The following TANK variants were observed in gnomAD, a reference collection of about 807,000 sequenced individuals.
The protein encoded by TANK is TRAF family member associated NFKB activator, also known as TRAF family member-associated NF-kappa-B activator.
TANK carries 15 observed loss-of-function variants against 43.6 expected under a neutral mutation model. The observed-to-expected ratio is 0.34, with a 90% CI of 0.23 to 0.53. The LOEUF is 0.53. Ranked by LOEUF, TANK falls within the 20% of genes least tolerant of loss-of-function variation. The probability of loss-of-function intolerance (pLI) is 0.94; values close to 1 mark genes in which losing one functional copy is unlikely to be tolerated. For synonymous variants in TANK, 162 were observed against 178.2 expected, an observed-to-expected ratio of 0.91 and a Z score of 0.73; for missense variants, 417 against 498.6, an observed-to-expected ratio of 0.84 and a Z score of 1.56.
chr2:161,157,574 G>A (rs1318203872), upstream of TANK, among the ~76,000 whole-genome samples: 1 of 152,208 alleles, frequency 6.6e-6, no homozygotes, highest in African/African-American at 2.4e-5. Context: ...AGATTTGACT[G>A]AGAACATAAC....
chr2:161,179,529 C>T, intron 1 of TANK, 85 bp from the exon 2 acceptor site: 3 of 1,219,694 alleles, frequency 2.5e-6, no homozygotes, highest in South Asian at 1.8e-5. Flanking sequence ...TGTGGTAAAC[C>T]TTATAGAACT....
At chr2:161,159,431 G>A (rs891490197), upstream of TANK, among the ~76,000 whole-genome samples, 1 of 152,130 alleles carries the variant, frequency 6.6e-6, no homozygotes, top group Admixed American at 6.5e-5. Flanking sequence ...ACTGTATTGT[G>A]ATGTTTAACT....
rs529304976 is a variant in TANK at position 161,170,060 on chromosome 2, A to G, written c.-49-9554A>G. ...AAGACTGAGATTGTCCTTCTTATCC[A>G]TGACTCTTTGTGCCTCTTTGAATTA... On this transcript the variant is annotated intron_variant, in intron 1 of 7. Transcript: ENST00000392749. Among the ~76,000 whole-genome samples, 10 of 152,284 alleles carry G rather than the reference A, an allele frequency of 6.6e-5. No individual in the cohort carries two copies. The South Asian group carries it at 1.0e-3, about 16-fold the overall frequency.
intron 1 of TANK, among the ~76,000 whole-genome samples, chr2:161,142,458 T>C (rs1365904403): frequency 6.6e-6 from 1 of 152,250 alleles, no homozygotes; most frequent in Admixed American, 6.5e-5. Flanking sequence ...GTTTTAGGTC[T>C]TATGTTTAAG....
At chr2:161,148,523 A>T (rs1683980337) in intron 1 of TANK, among the ~76,000 whole-genome samples, 1 of 152,196 alleles carries the variant, frequency 6.6e-6, no homozygotes, top group Non-Finnish European at 1.5e-5. Context: ...GTTTTAAAAA[A>T]TTATTAAGTC....
At chr2:161,175,130 C>A (rs1436481859) in intron 1 of TANK, among the ~76,000 whole-genome samples, 1 of 152,128 alleles carries the variant, frequency 6.6e-6, no homozygotes, top group Admixed American at 6.6e-5. Context: ...CTTCAAGTTA[C>A]AGTTAATGGT....
intron 1 of TANK, among the ~76,000 whole-genome samples, chr2:161,148,735 T>G (rs758100697): frequency 1.1e-4 from 17 of 152,214 alleles, no homozygotes; most frequent in Non-Finnish European, 2.5e-4. Context: ...CTTTTGCATG[T>G]GGTTATCACT....
intron 1 of TANK, among the ~76,000 whole-genome samples, chr2:161,171,897 A>T (rs1339994020): frequency 6.6e-6 from 1 of 152,158 alleles, no homozygotes; most frequent in African/African-American, 2.4e-5. Context: ...GATTACTGAA[A>T]ATATTTTTTT....
intron 2 of TANK, among the ~76,000 whole-genome samples, chr2:161,193,380 G>A (rs750987274): frequency 6.6e-6 from 1 of 152,118 alleles, no homozygotes; most frequent in Non-Finnish European, 1.5e-5. Flanking sequence ...TATAGGATAC[G>A]CTATTACAGA....
intron 1 of TANK, chr2:161,161,743 A>G (rs561339237): frequency 4.7e-5 from 11 of 231,582 alleles, no homozygotes; most frequent in Admixed American, 4.4e-4. Flanking sequence ...AATTATAGTT[A>G]ACTGTCACTT....
intron 2 of TANK, among the ~76,000 whole-genome samples, chr2:161,195,287 A>G (rs1686095670): frequency 6.6e-6 from 1 of 152,220 alleles, no homozygotes; most frequent in East Asian, 1.9e-4. Flanking sequence ...GGCACAGTCT[A>G]GTAAAGCAGA....
chr2:161,174,573 A>G (rs948359806), intron 1 of TANK, among the ~76,000 whole-genome samples: 2 of 152,336 alleles, frequency 1.3e-5, no homozygotes, highest in Non-Finnish European at 1.5e-5. Context: ...TTGCTGAGCA[A>G]AAGTTTTTAT....
intron 1 of TANK, among the ~76,000 whole-genome samples, chr2:161,172,769 A>C (rs561322277): frequency 6.6e-6 from 1 of 152,238 alleles, no homozygotes; most frequent in South Asian, 2.1e-4. Flanking sequence ...CAGGTACCTG[A>C]ATTGCTGCCC....
At chr2:161,206,594 CTT>C (rs1686664791) in intron 4 of TANK, among the ~76,000 whole-genome samples, 1 of 152,010 alleles carries the variant, frequency 6.6e-6, no homozygotes, top group South Asian at 2.1e-4. Context: ...TTAAACCATT[CTT>C]TGAGTCATTC....
chr2:161,177,840 A>G (rs1443394359), intron 1 of TANK, among the ~76,000 whole-genome samples: 1 of 152,128 alleles, frequency 6.6e-6, no homozygotes, highest in Non-Finnish European at 1.5e-5. Context: ...AAAAAGAGAA[A>G]TAACCCATTT....
chr2:161,162,645 T>TA (rs1287910949), intron 1 of TANK: 1 of 152,136 alleles, frequency 6.6e-6, no homozygotes, highest in Non-Finnish European at 1.5e-5. Flanking sequence ...AATATGAAGT[T>TA]ACTATTAATA....
At chr2:161,161,436 T>G in intron 1 of TANK, 1 of 1,550,436 alleles carries the variant, frequency 6.4e-7, no homozygotes, top group Non-Finnish European at 8.7e-7. Flanking sequence ...AAGCAGTGCA[T>G]TCTGTTAAAA....
intron 7 of TANK, among the ~76,000 whole-genome samples, chr2:161,231,883 G>T (rs1318694375): frequency 2.6e-5 from 4 of 152,172 alleles, no homozygotes; most frequent in Non-Finnish European, 5.9e-5. Flanking sequence ...ATTTCATAGT[G>T]TGAAACAAAT....
At position 161,205,062 on chromosome 2, in the gene TANK, C is replaced by G; in HGVS notation, c.327+269C>G. On this transcript the variant is annotated intron_variant, in intron 4 of 7. Transcript: ENST00000392749. ...AAATAGGGCTGGACACACTGACTCA[C>G]TCCTGTAATTCAAACACTTTGGGAG... The G allele has an allele frequency of 5.8e-6, 5 of 860,342 alleles. No individual in the cohort carries two copies. The South Asian group carries it at 1.2e-4, about 20-fold the overall frequency. The allele number at this position is 860,342 out of a possible 1,614,324, so 53.3% of individuals were successfully genotyped here. A position where few individuals can be genotyped will look rare whatever the true frequency, so the allele number is the denominator to read the frequency against.
Sources: gnomAD v4.1 joint callset for allele counts (sites outside exome capture counted in the v4.1 genomes callset) on GRCh38, gnomAD v4.1.1 for gene constraint, MANE v1.5 for transcripts, NCBI Gene and HGNC (gene_info 2026-07-23, HGNC 2026-07-21) for gene names.